CCDC178: variants seen among roughly 807,000 people sequenced by gnomAD.
CCDC178 encodes the protein coiled-coil domain containing 178.
CCDC178 carries 126 observed loss-of-function variants against 117.4 expected under a neutral mutation model. The ratio of observed to expected loss-of-function variants is 1.07; its 90% CI spans 0.93 to 1.24. The LOEUF is 1.24. CCDC178 is among the 50% of genes most tolerant of loss of function. The probability of loss-of-function intolerance (pLI) is 0.00; values close to 1 mark genes in which losing one functional copy is unlikely to be tolerated. For missense variants in CCDC178, 1,030 were observed against 986.9 expected (o/e 1.04, Z -0.59); for synonymous variants, 283 against 313.4 (o/e 0.90, Z 1.02).
chr18:33,262,124 T>C lies in CCDC178; in HGVS notation c.1409+4792A>G, dbSNP rs984808140. 6.6e-5 allele frequency among the ~76,000 whole-genome samples: 10 copies of C among 152,308 alleles called. 1 individual carries two copies. The Middle Eastern group carries it at 0.01, about 155-fold the overall frequency. ...GGAAATTTTACATTATACTTATATA[T>C]GGCCAATTGTTATAATTTTTCCACA... On this transcript the variant is annotated intron_variant, in intron 14 of 22. Transcript: ENST00000383096.
At chr18:33,066,402 G>T (rs1414554648) in intron 21 of CCDC178, among the ~76,000 whole-genome samples, 4 of 152,026 alleles carry the variant, frequency 2.6e-5, no homozygotes, top group African/African-American at 9.7e-5. Flanking sequence ...AATTGTAAAG[G>T]TAAACAATGA....
chr18:33,340,184 C>A (rs915645281), intron 9 of CCDC178, among the ~76,000 whole-genome samples: 4 of 152,130 alleles, frequency 2.6e-5, no homozygotes, highest in African/African-American at 9.7e-5. Context: ...GCAAAGGTGA[C>A]TCTTGCTATG....
chr18:33,035,107 C>A (rs1421201401), intron 21 of CCDC178, among the ~76,000 whole-genome samples: 1 of 151,922 alleles, frequency 6.6e-6, no homozygotes, highest in Non-Finnish European at 1.5e-5. Context: ...ACAAATCAAA[C>A]TTCTGAGACT....
chr18:33,039,565 C>T (rs1315662067), intron 21 of CCDC178, among the ~76,000 whole-genome samples: 1 of 151,884 alleles, frequency 6.6e-6, no homozygotes, highest in Non-Finnish European at 1.5e-5. Flanking sequence ...AGAGCATGCC[C>T]TCAGAGGAGA....
chr18:33,240,083 A>AGAAG (rs976425566), intron 15 of CCDC178, among the ~76,000 whole-genome samples: 4 of 152,098 alleles, frequency 2.6e-5, no homozygotes, highest in Non-Finnish European at 5.9e-5. Flanking sequence ...GATAATAAGT[A>AGAAG]GAAGATTAAA....
intron 20 of CCDC178, among the ~76,000 whole-genome samples, chr18:33,191,974 CAT>C (rs1423728872): frequency 6.6e-6 from 1 of 152,104 alleles, no homozygotes; most frequent in African/African-American, 2.4e-5. Context: ...TAAAGTTGCA[CAT>C]GTTCTGTTAT....
Position 33,078,747 on chromosome 18 carries a change from G to A in CCDC178, c.2388+14014C>T, listed in dbSNP as rs141035636. Among the ~76,000 whole-genome samples, 257 of 152,238 alleles carry A rather than the reference G, an allele frequency of 1.7e-3. 2 individuals are homozygous for A. Among genetic ancestry groups the A allele is most frequent in the African/African-American group, 5.9e-3 (247 of 41,540 alleles). ...CATGGAGGTGAAATATCTCTACAAT[G>A]AGAATTACAGAACACTGCTCAAAGA... On this transcript the variant is annotated intron_variant, in intron 21 of 22. Coordinates refer to ENST00000383096, the MANE Select transcript of CCDC178 (RefSeq NM_001105528.4).
intron 7 of CCDC178, among the ~76,000 whole-genome samples, chr18:33,353,422 G>T (rs2063005551): frequency 6.6e-6 from 1 of 151,552 alleles, no homozygotes; most frequent in East Asian, 1.9e-4. Flanking sequence ...GATAAGGAAG[G>T]GATTATTTTT....
At chr18:33,378,299 G>A (rs546918772) in intron 5 of CCDC178, among the ~76,000 whole-genome samples, 1 of 152,138 alleles carries the variant, frequency 6.6e-6, no homozygotes, top group Non-Finnish European at 1.5e-5. Context: ...ATTTTGTACT[G>A]TGAAATTTTA....
chr18:33,389,436 G>A (rs2063536709), intron 5 of CCDC178, 104 bp downstream of exon 5: 1 of 440,426 alleles, frequency 2.3e-6, no homozygotes, highest in Non-Finnish European at 3.9e-6. Flanking sequence ...TTAACGATAT[G>A]TAGGATTTAT....
chr18:33,102,425 A>T (rs975582987), intron 20 of CCDC178, among the ~76,000 whole-genome samples: 10 of 99,312 alleles, frequency 1.0e-4, no homozygotes, highest in Admixed American at 8.8e-4. Context: ...GCTTTGAAGT[A>T]AAAAAAAAAA....
chr18:33,283,348 A>G (rs539032774), intron 12 of CCDC178, among the ~76,000 whole-genome samples: 5 of 152,276 alleles, frequency 3.3e-5, no homozygotes, highest in African/African-American at 7.2e-5. Flanking sequence ...AAGGTAACCA[A>G]CCTCAAAGAC....
intron 2 of CCDC178, among the ~76,000 whole-genome samples, chr18:33,426,281 G>A (rs905134402): frequency 6.6e-6 from 1 of 152,088 alleles, no homozygotes; most frequent in African/African-American, 2.4e-5. Context: ...GTCACCCATT[G>A]TTTCCTTTAG....
chr18:33,254,433 G>T (rs1352575342), intron 14 of CCDC178, among the ~76,000 whole-genome samples: 2 of 151,934 alleles, frequency 1.3e-5, no homozygotes, highest in African/African-American at 4.8e-5. Context: ...TAGTTAAATG[G>T]ATACTTATTG....
At chr18:33,342,846 T>C (rs1401927408) in intron 9 of CCDC178, among the ~76,000 whole-genome samples, 1 of 152,170 alleles carries the variant, frequency 6.6e-6, no homozygotes, top group Admixed American at 6.5e-5. Flanking sequence ...ACTGAATAAT[T>C]AACAAAGACA....
At chr18:33,030,039 G>C (rs1294009722) in intron 21 of CCDC178, among the ~76,000 whole-genome samples, 5 of 151,868 alleles carry the variant, frequency 3.3e-5, no homozygotes, top group Non-Finnish European at 7.4e-5. Flanking sequence ...CTTCTTCCTA[G>C]TTATTTTACT....
rs143220819 is a variant in CCDC178 at position 33,263,998 on chromosome 18, A to G, written c.1409+2918T>C. 4.7e-3 allele frequency among the ~76,000 whole-genome samples: 717 copies of G among 152,192 alleles called. 4 individuals carry two copies. The highest frequency in any genetic ancestry group is 0.016 in the African/African-American group (684 of 41,552). ...GAAGTAGAAGCAAATTACAAAGACT[A>G]CAGACATTTAAATTATTAGGTGCAG... On this transcript the variant is annotated intron_variant, in intron 14 of 22. Coordinates refer to ENST00000383096, the MANE Select transcript of CCDC178 (RefSeq NM_001105528.4).
At chr18:33,172,327 C>T (rs2058611785) in intron 20 of CCDC178, among the ~76,000 whole-genome samples, 2 of 152,018 alleles carry the variant, frequency 1.3e-5, no homozygotes, top group African/African-American at 4.8e-5. Flanking sequence ...TCTCCTGTCC[C>T]TGGAAAATGT....
intron 4 of CCDC178, among the ~76,000 whole-genome samples, chr18:33,396,005 A>C (rs1184723901): frequency 6.6e-6 from 1 of 152,186 alleles, no homozygotes; most frequent in Non-Finnish European, 1.5e-5. Flanking sequence ...ATATAAATAG[A>C]TTAAAAATAA....
Sources: gnomAD v4.1 joint callset for allele counts (sites outside exome capture counted in the v4.1 genomes callset) on GRCh38, gnomAD v4.1.1 for gene constraint, MANE v1.5 for transcripts, NCBI Gene and HGNC (gene_info 2026-07-23, HGNC 2026-07-21) for gene names.